PCDH15: variants seen among roughly 807,000 people sequenced by gnomAD.
The protein encoded by PCDH15 is protocadherin related 15, also known as protocadherin-15.
PCDH15 carries 129 observed loss-of-function variants against 178.5 expected under a neutral mutation model. The ratio of observed to expected loss-of-function variants is 0.72; its 90% CI spans 0.63 to 0.84. The LOEUF (loss-of-function observed/expected upper bound fraction) is 0.84, where lower values mean the gene tolerates loss of function less well. Ranked by LOEUF, PCDH15 falls within the 40% of genes least tolerant of loss-of-function variation. The pLI is 0.00. For synonymous variants in PCDH15, 800 were observed against 732.0 expected (o/e 1.09, Z -1.50); for missense variants, 2,230 against 2,099.9 (o/e 1.06, Z -1.21).
At position 53,965,628 on chromosome 10, in the gene PCDH15, A is replaced by G. The variant is rs76017426; in HGVS notation, c.2869-3736T>C. On this transcript the variant is annotated intron_variant, in intron 21 of 37. Transcript: ENST00000644397. ...ATACCCTAGTAAATCTCGCCTTAGA[A>G]CACTTTCTAAGAGGTTATGCAGCAC... is the stretch of plus-strand genomic sequence containing the variant. Among the ~76,000 whole-genome samples, 89 of 152,312 alleles carry G rather than the reference A, an allele frequency of 5.8e-4. No individual in the cohort carries two copies. The East Asian group carries it at 0.017, about 28-fold the overall frequency.
intron 2 of PCDH15, among the ~76,000 whole-genome samples, chr10:55,573,559 C>G (rs1001280159): frequency 1.3e-5 from 2 of 152,038 alleles, no homozygotes; most frequent in African/African-American, 4.8e-5. Flanking sequence ...ATTTTATGAT[C>G]TCATTGAAAA....
intron 1 of PCDH15, among the ~76,000 whole-genome samples, chr10:54,777,651 T>A (rs1178180659): frequency 6.6e-6 from 1 of 152,152 alleles, no homozygotes; most frequent in Non-Finnish European, 1.5e-5. Flanking sequence ...TGTTTCAAAG[T>A]TCTTTTTTTT....
chr10:55,204,091 T>G (rs1189449875), intron 1 of PCDH15, among the ~76,000 whole-genome samples: 3 of 149,464 alleles, frequency 2.0e-5, no homozygotes. Flanking sequence ...TATAGTGCAT[T>G]TATTATATAT....
At position 54,214,030 on chromosome 10, in the gene PCDH15, G is replaced by A; in HGVS notation, c.1004C>T (p.Pro335Leu). Residue 335 changes from proline to leucine, a missense_variant, in exon 10 of 38, where the codon CCA becomes CTA. Physicochemically the swap from Pro to Leu is moderately conservative, Grantham distance 98. Coordinates refer to ENST00000644397, the MANE Select transcript of PCDH15 (RefSeq NM_001384140.1). ...SILVGTPEDY[P>L]RFFHMHPRTA... ...CCTAGGATGCATATGGAAAAATCGT[G>A]GGTAATCCTCAGGAGTCCCTGGAAG... 1 of 1,605,650 alleles carries A rather than the reference G, an allele frequency of 6.2e-7. No individual in the cohort carries two copies. Among genetic ancestry groups the A allele is most frequent in the Non-Finnish European group, 8.5e-7 (1 of 1,172,670 alleles).
At chr10:54,430,009 T>C (rs1230799343) in intron 3 of PCDH15, among the ~76,000 whole-genome samples, 2 of 151,634 alleles carry the variant, frequency 1.3e-5, no homozygotes, top group Admixed American at 1.3e-4. Context: ...TACAGAACAT[T>C]TCATTCAATA....
intron 2 of PCDH15, among the ~76,000 whole-genome samples, chr10:54,926,319 C>A (rs951614598): frequency 6.6e-6 from 1 of 151,988 alleles, no homozygotes; most frequent in Non-Finnish European, 1.5e-5. Context: ...GGTGGATAAG[C>A]TTTTTGATGT....
intron 8 of PCDH15, among the ~76,000 whole-genome samples, chr10:54,288,233 T>C (rs1451829994): frequency 6.6e-6 from 1 of 151,990 alleles, no homozygotes; most frequent in Non-Finnish European, 1.5e-5. Flanking sequence ...GGCAGGAGAA[T>C]CATTTGAACC....
chr10:54,962,787 T>C (rs1310073733), intron 2 of PCDH15, among the ~76,000 whole-genome samples: 1 of 152,106 alleles, frequency 6.6e-6, no homozygotes, highest in Admixed American at 6.5e-5. Context: ...TTAGCAGGCA[T>C]GGGATCCGGG....
rs1300609209 is a variant in PCDH15 at position 55,272,608 on chromosome 10, C to T, written c.-156+46991G>A. ...ATACCGGCCAGGCTGGTCTTGAACT[C>T]CTGATCTCAAGTAATCTGCCCGCCC... is the stretch of plus-strand genomic sequence containing the variant. On this transcript the variant is annotated intron_variant, in intron 1 of 5. Transcript: ENST00000458638. 4.0e-5 allele frequency among the ~76,000 whole-genome samples: 6 copies of T among 151,788 alleles called. No homozygotes were observed. The South Asian group carries it at 1.2e-3, about 32-fold the overall frequency.
intron 2 of PCDH15, among the ~76,000 whole-genome samples, chr10:55,609,045 C>CAT (rs1176057794): frequency 7.3e-5 from 11 of 151,296 alleles, no homozygotes; most frequent in Non-Finnish European, 1.3e-4. Context: ...CACACACACA[C>CAT]GCACACACAT....
intron 2 of PCDH15, among the ~76,000 whole-genome samples, chr10:54,939,543 G>A (rs1368551945): frequency 6.9e-6 from 1 of 144,022 alleles, no homozygotes. Context: ...TAATTTGTAG[G>A]CATTTGGTAG....
chr10:54,934,115 G>A (rs1011449333), intron 2 of PCDH15, among the ~76,000 whole-genome samples: 8 of 152,108 alleles, frequency 5.3e-5, no homozygotes, highest in South Asian at 2.1e-4. Context: ...GAATTGTGAC[G>A]TTAGTAAATA....
At chr10:54,197,823 ATAT>A (rs1450023589) in intron 10 of PCDH15, among the ~76,000 whole-genome samples, 1 of 152,174 alleles carries the variant, frequency 6.6e-6, no homozygotes, top group Non-Finnish European at 1.5e-5. Context: ...ATTTGTTGAA[ATAT>A]TATTTATGTC....
intron 3 of PCDH15, among the ~76,000 whole-genome samples, chr10:54,500,014 A>G (rs1433228810): frequency 2.0e-5 from 3 of 152,206 alleles, no homozygotes; most frequent in African/African-American, 7.2e-5. Context: ...TTGCAGCAGT[A>G]TTCACTACAG....
intron 2 of PCDH15, among the ~76,000 whole-genome samples, chr10:55,601,300 G>A (rs960145065): frequency 2.0e-5 from 3 of 152,156 alleles, no homozygotes; most frequent in African/African-American, 7.2e-5. Flanking sequence ...AGTAAGAGTT[G>A]GCATTTGAAC....
chr10:54,758,670 A>G (rs74136268), intron 1 of PCDH15, among the ~76,000 whole-genome samples: 11,745 of 152,204 alleles, frequency 0.077, 1,492 homozygotes, highest in African/African-American at 0.27. Flanking sequence ...TACTTGAATT[A>G]ATTCTAGTTG....
intron 13 of PCDH15, among the ~76,000 whole-genome samples, chr10:54,183,091 C>T (rs968942394): frequency 2.0e-5 from 3 of 152,050 alleles, no homozygotes; most frequent in Non-Finnish European, 4.4e-5. Flanking sequence ...AAGCGATTCT[C>T]CTGCCTCAGC....
intron 31 of PCDH15, 51 bp downstream of exon 31, chr10:53,828,514 T>A (rs1564556297): frequency 2.8e-6 from 4 of 1,444,542 alleles, no homozygotes; most frequent in Non-Finnish European, 3.9e-6. Context: ...ATCTCGGGTT[T>A]CTCTTTTCCT....
intron 1 of PCDH15, among the ~76,000 whole-genome samples, chr10:55,175,438 G>T (rs1043597298): frequency 6.6e-6 from 1 of 151,976 alleles, no homozygotes; most frequent in Non-Finnish European, 1.5e-5. Context: ...TTAGAGGTGG[G>T]TGAATCACAA....
Sources: allele counts gnomAD v4.1 joint callset (sites outside exome capture counted in the v4.1 genomes callset), GRCh38; gene constraint gnomAD v4.1.1; transcripts MANE v1.5; gene names NCBI Gene and HGNC (gene_info 2026-07-23, HGNC 2026-07-21).